TECTA: variants seen among roughly 807,000 people sequenced by gnomAD.
The protein encoded by TECTA is alpha-tectorin.
In TECTA, 128 loss-of-function variants were observed where a neutral mutation model predicts 216.8. The observed-to-expected ratio is 0.59, with a 90% CI of 0.51 to 0.68. The LOEUF is 0.68. Ranked by LOEUF, TECTA falls within the 30% of genes least tolerant of loss-of-function variation. The pLI is 0.00. For missense variants in TECTA, 2,551 were observed against 2,786.2 expected, an observed-to-expected ratio of 0.92 and a Z score of 1.90; for synonymous variants, 1,089 against 1,117.1, an observed-to-expected ratio of 0.97 and a Z score of 0.50.
intron 23 of TECTA, 93 bp from the exon 24 acceptor site, chr11:121,190,613 C>T (rs555642850): frequency 9.8e-7 from 1 of 1,017,428 alleles, no homozygotes; most frequent in Non-Finnish European, 1.5e-6. Context: ...ATGAAGTTTC[C>T]TTTCTTTAGC....
In TECTA at chr11:121,160,017, G is replaced by C. The variant is rs189912190; in HGVS notation, c.4690-118G>C. ...CATGCTGCAGGGACAGAATGGAGTC[G>C]TTGAGACAGAGATCACAGGGCCTGC... On this transcript the variant is annotated intron_variant, in intron 14 of 23. Transcript: ENST00000392793. 10 of 1,148,640 alleles carry C rather than the reference G, an allele frequency of 8.7e-6. No individual in the cohort carries two copies. The South Asian group carries it at 9.2e-5, about 11-fold the overall frequency. 71.2% of individuals were successfully genotyped at this position (1,148,640 alleles called of 1,614,324 possible). A position where few individuals can be genotyped will look rare whatever the true frequency, so the allele number is the denominator to read the frequency against.
At chr11:121,149,383 A>G (rs921987904) in intron 12 of TECTA, among the ~76,000 whole-genome samples, 1 of 152,250 alleles carries the variant, frequency 6.6e-6, no homozygotes, top group African/African-American at 2.4e-5. Context: ...ATATTTCTCC[A>G]TACATCTAAT....
At chr11:121,141,665 T>G (rs1354430638) in intron 11 of TECTA, among the ~76,000 whole-genome samples, 1 of 152,210 alleles carries the variant, frequency 6.6e-6, no homozygotes, top group Non-Finnish European at 1.5e-5. Flanking sequence ...CAGGGAGGTT[T>G]TCAGGGCTCT....
At chr11:121,165,407 C>CA in intron 17 of TECTA, 24 bp downstream of exon 17, 1 of 1,551,272 alleles carries the variant, frequency 6.4e-7, no homozygotes, top group Non-Finnish European at 8.7e-7. Context: ...GCCACCTCCC[C>CA]ACCCAGAAAG....
rs372723914 is a variant in TECTA, at chr11:121,113,123, C to T, written c.538C>T (p.Leu180Phe). The part of the protein sequence containing the change: ...LVSDGSYTFT[L>F]FNYYEINWTT... ...GTCCGATGGCTCCTATACATTCACC[C>T]TCTTCAATTATTACGAAATCAACTG... is the stretch of plus-strand genomic sequence containing the variant. Residue 180 changes from leucine to phenylalanine, a missense_variant, in exon 5 of 24, where the codon CTC (leucine) becomes TTC (phenylalanine). By Grantham distance (22) the Leu-to-Phe change is conservative. This residue lies in a region of TECTA where 2,375 missense variants were observed against 2,563.9 expected (regional missense o/e 0.93). Transcript: ENST00000392793. The surrounding 1 kb of genome is among the most constrained non-coding windows in gnomAD (Gnocchi z 4.2). 43 of 1,614,054 alleles carry T rather than the reference C, an allele frequency of 2.7e-5. No individual in the cohort carries two copies. The highest frequency in any genetic ancestry group is 2.1e-5 in the Non-Finnish European group (25 of 1,180,042).
intron 11 of TECTA, among the ~76,000 whole-genome samples, chr11:121,145,055 G>A (rs186915218): frequency 2.0e-5 from 3 of 152,304 alleles, no homozygotes; most frequent in African/African-American, 7.2e-5. Flanking sequence ...AGCAGGGTCT[G>A]GAGGATGAGA....
At position 121,159,078 on chromosome 11, in the gene TECTA, T is replaced by A. The variant is rs538131453; in HGVS notation, c.4689+854T>A. 5.1e-4 allele frequency among the ~76,000 whole-genome samples: 77 copies of A among 152,314 alleles called. No individual in the cohort carries two copies. In the South Asian group the frequency reaches 0.015, roughly 30 times the overall value. On this transcript the variant is annotated intron_variant, in intron 14 of 23. Transcript: ENST00000392793. ...CATTAACAATTTTTGGAATTGAGTG[T>A]TATTGTGTGTATCTGTTTTCCACCT...
At chr11:121,165,246 C>G (rs754125998) in intron 16 of TECTA, 27 bp from the exon 17 acceptor site, 1 of 1,566,900 alleles carries the variant, frequency 6.4e-7, no homozygotes, top group Non-Finnish European at 8.7e-7. Flanking sequence ...TGAAGTTGTG[C>G]ATGTTTCTGT....
intron 4 of TECTA, 157 bp downstream of exon 4, chr11:121,109,655 G>C (rs2135055326): frequency 1.2e-6 from 1 of 851,610 alleles, no homozygotes; most frequent in East Asian, 2.6e-5. Context: ...AGGAAACAGA[G>C]GGAACTATCA....
intron 13 of TECTA, 116 bp from the exon 14 acceptor site, chr11:121,157,725 C>T (rs1946955417): frequency 6.8e-7 from 1 of 1,474,870 alleles, no homozygotes; most frequent in Non-Finnish European, 9.4e-7. Context: ...CCTACAAATT[C>T]CAGCCCCATT....
At chr11:121,109,724 T>A in intron 4 of TECTA, 7 of 569,150 alleles carry the variant, frequency 1.2e-5, no homozygotes, top group Non-Finnish European at 2.2e-5. Flanking sequence ...CTATCACAAA[T>A]CATCACTAAT....
chr11:121,160,042 C>A (rs568035357), intron 14 of TECTA, 93 bp from the exon 15 acceptor site: 2 of 1,493,426 alleles, frequency 1.3e-6, no homozygotes, highest in Middle Eastern at 1.9e-4. Context: ...ACAGGGCCTG[C>A]GACACCCAAA....
intron 11 of TECTA, among the ~76,000 whole-genome samples, chr11:121,144,308 G>A (rs562667079): frequency 4.6e-5 from 7 of 152,266 alleles, no homozygotes; most frequent in African/African-American, 1.2e-4. Flanking sequence ...GATTATTGGC[G>A]TGGCGGTAGT....
chr11:121,131,546 A>G (rs1946675081), intron 10 of TECTA, among the ~76,000 whole-genome samples: 1 of 152,196 alleles, frequency 6.6e-6, no homozygotes, highest in African/African-American at 2.4e-5. Context: ...TAAAATCAGG[A>G]TATTGCCATT....
At chr11:121,148,605 A>G (rs1340853444) in intron 12 of TECTA, among the ~76,000 whole-genome samples, 3 of 152,130 alleles carry the variant, frequency 2.0e-5, no homozygotes, top group Admixed American at 6.6e-5. Flanking sequence ...GGCAGGCCCC[A>G]TCTCTCTCCA....
Position 121,113,691 on chromosome 11 carries a change from G to T in TECTA, c.763G>T (p.Asp255Tyr). The change falls in exon 6 of 24, where the codon GAC (aspartate) becomes TAC (tyrosine). Residue 255 changes from aspartate (D) to tyrosine (Y), a missense_variant. Around this residue, in one of 3 missense-constraint regions of TECTA, gnomAD observed 2,375 missense variants for 2,563.9 expected, o/e 0.93. Transcript: ENST00000392793. The surrounding 1 kb of genome is among the most constrained non-coding windows in gnomAD (Gnocchi z 4.2). ...ATTTAAAGTTGATGGAAAGGAAATT[G>T]ACCCAGCCAATGGCTGCACCTCAAG... ...WAFKVDGKEI[D>Y]PANGCTSRGQ... 6.2e-7 allele frequency: 1 copy of T among 1,613,830 alleles called. No individual in the cohort carries two copies. The highest frequency in any genetic ancestry group is 1.1e-5 in the South Asian group (1 of 91,056).
At position 121,162,136 on chromosome 11, in the gene TECTA, G is replaced by A; in HGVS notation, c.5038G>A (p.Val1680Met). ...ACAGTATGCAGCCATGTGTGACAAT[G>A]TGCACATCCAGAAGATGCAGGGTGA... Reference protein sequence around the residue: ...FSQYAAMCDNVHIQKMQGDGY... With the variant: ...FSQYAAMCDNMHIQKMQGDGY... The change falls in exon 16 of 24, where the codon GTG (valine) becomes ATG (methionine). Residue 1680 changes from valine (V) to methionine (M), a missense_variant. Coordinates refer to ENST00000392793, the MANE Select transcript of TECTA (RefSeq NM_005422.4). 6.2e-7 allele frequency: 1 copy of A among 1,614,190 alleles called. No individual in the cohort carries two copies. Among genetic ancestry groups the A allele is most frequent in the Non-Finnish European group, 8.5e-7 (1 of 1,180,046 alleles).
chr11:121,143,631 T>C (rs1338666359), intron 11 of TECTA, among the ~76,000 whole-genome samples: 2 of 152,262 alleles, frequency 1.3e-5, no homozygotes, highest in Non-Finnish European at 2.9e-5. Context: ...TTTAGCACAG[T>C]GCCTGGCACT....
chr11:121,177,949 A>G (rs1947185661), intron 20 of TECTA, among the ~76,000 whole-genome samples: 1 of 152,188 alleles, frequency 6.6e-6, no homozygotes, highest in African/African-American at 2.4e-5. Context: ...GCTACCAATC[A>G]GCGAGACTCT....
Sources: allele counts gnomAD v4.1 joint callset (sites outside exome capture counted in the v4.1 genomes callset), GRCh38; gene constraint gnomAD v4.1.1; regional missense constraint gnomAD v4.1.1; non-coding constraint Gnocchi (gnomAD v3.1); transcripts MANE v1.5; gene names NCBI Gene and HGNC (gene_info 2026-07-23, HGNC 2026-07-21).